The following GALNT13 variants were observed in gnomAD, a reference collection of about 807,000 sequenced individuals.
GALNT13 encodes UDP-GalNAc:polypeptide N-acetylgalactosaminyltransferase 13.
In GALNT13, 28 loss-of-function variants were observed where a neutral mutation model predicts 64.2. That is an observed-to-expected ratio of 0.44 (90% CI 0.32 to 0.60). The LOEUF (loss-of-function observed/expected upper bound fraction) is 0.60, where lower values mean the gene tolerates loss of function less well. Ranked by LOEUF, GALNT13 falls within the 20% of genes least tolerant of loss-of-function variation. The probability of loss-of-function intolerance (pLI) is 0.05; values close to 1 mark genes in which losing one functional copy is unlikely to be tolerated. For synonymous variants in GALNT13, 214 were observed against 224.6 expected (o/e 0.95, Z 0.42); for missense variants, 577 against 669.8 (o/e 0.86, Z 1.53).
chr2:153,292,226 G>T, the GALNT13 span, among the ~76,000 whole-genome samples: 1 of 152,106 alleles, frequency 6.6e-6, no homozygotes, highest in Non-Finnish European at 1.5e-5. Context: ...CTCCTGGAGG[G>T]AGCAGGTGGC....
At chr2:153,604,822 A>G in the GALNT13 span, among the ~76,000 whole-genome samples, 1 of 152,066 alleles carries the variant, frequency 6.6e-6, no homozygotes, top group Non-Finnish European at 1.5e-5. Context: ...TACCTATTGG[A>G]TGGTTTCTGT....
intron 3 of GALNT13, among the ~76,000 whole-genome samples, chr2:154,088,743 A>G (rs1410463863): frequency 6.6e-6 from 1 of 152,132 alleles, no homozygotes; most frequent in Admixed American, 6.6e-5. Flanking sequence ...GTAAGCCACC[A>G]TGTCCAGTCA....
At chr2:154,415,266 T>C (rs2105408254) in intron 11 of GALNT13, among the ~76,000 whole-genome samples, 1 of 152,262 alleles carries the variant, frequency 6.6e-6, no homozygotes, top group East Asian at 1.9e-4. Flanking sequence ...TCAATGCTGT[T>C]TCCCTCTGAA....
At chr2:153,520,288 A>G in the GALNT13 span, among the ~76,000 whole-genome samples, 2 of 152,278 alleles carry the variant, frequency 1.3e-5, no homozygotes, top group African/African-American at 4.8e-5. Flanking sequence ...ACACTAAGCA[A>G]TTCAGGCTAG....
the GALNT13 span, among the ~76,000 whole-genome samples, chr2:153,817,308 C>G: frequency 6.6e-6 from 1 of 152,280 alleles, no homozygotes; most frequent in South Asian, 2.1e-4. Context: ...GGCTTTTGAA[C>G]CTTCTAGGCC....
At chr2:153,963,906 C>G (rs930684035) in intron 3 of GALNT13, among the ~76,000 whole-genome samples, 63 of 152,050 alleles carry the variant, frequency 4.1e-4, no homozygotes, top group Admixed American at 2.0e-4. Context: ...ATTTTTAACT[C>G]TGATGAAATC....
the GALNT13 span, among the ~76,000 whole-genome samples, chr2:153,213,398 G>C: frequency 6.6e-6 from 1 of 152,160 alleles, no homozygotes; most frequent in Non-Finnish European, 1.5e-5. Flanking sequence ...TCTTTATTCT[G>C]ATCAGAAAAC....
the GALNT13 span, among the ~76,000 whole-genome samples, chr2:153,670,206 C>T: frequency 3.5e-4 from 54 of 152,260 alleles, no homozygotes; most frequent in East Asian, 1.7e-3. Context: ...CCCAGCATGG[C>T]GTTCGAGCTC....
chr2:153,956,800 CT>C (rs1383367176), intron 3 of GALNT13, among the ~76,000 whole-genome samples: 1 of 151,818 alleles, frequency 6.6e-6, no homozygotes, highest in Non-Finnish European at 1.5e-5. Flanking sequence ...CCACCAGACA[CT>C]GGCATTCTAT....
At chr2:153,566,170 G>A in the GALNT13 span, among the ~76,000 whole-genome samples, 2 of 152,038 alleles carry the variant, frequency 1.3e-5, no homozygotes, top group South Asian at 4.2e-4. Flanking sequence ...TCTTTATTTG[G>A]AAAATATTTC....
chr2:154,014,794 A>G lies in GALNT13; in HGVS notation c.142+70155A>G, dbSNP rs1034325803. Among the ~76,000 whole-genome samples the G allele has an allele frequency of 4.5e-4, 68 of 150,520 alleles. 1 individual carries two copies. The highest frequency in any genetic ancestry group is 2.6e-4 in the Admixed American group (4 of 15,148). On this transcript the variant is annotated intron_variant, in intron 3 of 12. Transcript: ENST00000392825. Reference sequence around the variant, plus strand: ...ACTACAGGCGCCCACCACCACTCCCAGCTAATTTTTGTATTTTTAGTAGAG... The same window carrying G: ...ACTACAGGCGCCCACCACCACTCCCGGCTAATTTTTGTATTTTTAGTAGAG...
intron 3 of GALNT13, among the ~76,000 whole-genome samples, chr2:154,134,613 A>C (rs749033455): frequency 6.6e-6 from 1 of 152,242 alleles, no homozygotes; most frequent in Non-Finnish European, 1.5e-5. Flanking sequence ...CAAACTTTGG[A>C]ATATTTTGCA....
chr2:154,054,669 A>G (rs1259628567), intron 3 of GALNT13, among the ~76,000 whole-genome samples: 1 of 152,000 alleles, frequency 6.6e-6, no homozygotes, highest in African/African-American at 2.4e-5. Context: ...AATGACTCCT[A>G]TGCAGACAGG....
the GALNT13 span, among the ~76,000 whole-genome samples, chr2:153,743,425 C>A: frequency 6.6e-6 from 1 of 151,866 alleles, no homozygotes; most frequent in Non-Finnish European, 1.5e-5. Context: ...GAGTGGGATT[C>A]CTGAATCATA....
chr2:153,945,249 T>G (rs1177970952), intron 3 of GALNT13, among the ~76,000 whole-genome samples: 1 of 152,188 alleles, frequency 6.6e-6, no homozygotes, highest in Non-Finnish European at 1.5e-5. Context: ...AATATGAATG[T>G]AAACATAATA....
At chr2:153,405,311 C>T in the GALNT13 span, among the ~76,000 whole-genome samples, 1 of 152,294 alleles carries the variant, frequency 6.6e-6, no homozygotes, top group East Asian at 1.9e-4. Context: ...CCATGTAAAA[C>T]TGGCACCAGG....
chr2:153,771,657 A>G, the GALNT13 span, among the ~76,000 whole-genome samples: 1 of 152,146 alleles, frequency 6.6e-6, no homozygotes, highest in Non-Finnish European at 1.5e-5. Flanking sequence ...TGTAGGAAAA[A>G]GGAGGGGCAC....
At chr2:154,326,054 T>A (rs1694861110) in intron 9 of GALNT13, among the ~76,000 whole-genome samples, 1 of 152,128 alleles carries the variant, frequency 6.6e-6, no homozygotes, top group African/African-American at 2.4e-5. Flanking sequence ...CATCTGTGCT[T>A]ATTAGTCAGG....
the GALNT13 span, among the ~76,000 whole-genome samples, chr2:153,858,576 A>G: frequency 6.6e-6 from 1 of 152,162 alleles, no homozygotes; most frequent in African/African-American, 2.4e-5. Flanking sequence ...GATCATATTT[A>G]TATAACTTTT....
Sources: gnomAD v4.1 joint callset for allele counts (sites outside exome capture counted in the v4.1 genomes callset) on GRCh38, gnomAD v4.1.1 for gene constraint, MANE v1.5 for transcripts, NCBI Gene and HGNC (gene_info 2026-07-23, HGNC 2026-07-21) for gene names.